Variants in STK4 observed in about 807,000 individuals in gnomAD.
STK4 encodes serine/threonine kinase 4.
STK4 carries 30 observed loss-of-function variants against 64.9 expected under a neutral mutation model. The observed-to-expected ratio is 0.46, with a 90% CI of 0.35 to 0.63. The LOEUF is 0.63. Ranked by LOEUF, STK4 falls within the 20% of genes least tolerant of loss-of-function variation. STK4 has a pLI of 0.01. For missense variants in STK4, 466 were observed against 598.5 expected (o/e 0.78, Z 2.31); for synonymous variants, 177 against 199.0 (o/e 0.89, Z 0.93).
chr20:45,041,319 A>G (rs918357159), intron 10 of STK4, among the ~76,000 whole-genome samples: 11 of 149,792 alleles, frequency 7.3e-5, no homozygotes, highest in East Asian at 3.9e-4. Flanking sequence ...GCATGCATGC[A>G]TGCACGCACA....
At chr20:44,971,782 T>C (rs2067251730) in intron 1 of STK4, among the ~76,000 whole-genome samples, 1 of 151,886 alleles carries the variant, frequency 6.6e-6, no homozygotes, top group East Asian at 1.9e-4. Flanking sequence ...GCCATTCTTA[T>C]GCTTCAGCGT....
At chr20:45,066,143 C>T (rs957125588) in intron 10 of STK4, among the ~76,000 whole-genome samples, 3 of 151,348 alleles carry the variant, frequency 2.0e-5, no homozygotes, top group Admixed American at 6.6e-5. Flanking sequence ...TATATATATA[C>T]ACACATTATA....
chr20:45,028,125 C>T (rs2145392147), intron 10 of STK4, among the ~76,000 whole-genome samples: 1 of 152,200 alleles, frequency 6.6e-6, no homozygotes, highest in Non-Finnish European at 1.5e-5. Flanking sequence ...GATATATGCC[C>T]AGCAGTGGGA....
chr20:45,031,308 G>C (rs2068438345), intron 10 of STK4, among the ~76,000 whole-genome samples: 1 of 152,196 alleles, frequency 6.6e-6, no homozygotes, highest in African/African-American at 2.4e-5. Flanking sequence ...TACAGAGACT[G>C]TGAGGCAAGA....
chr20:45,054,681 T>C (rs1361558619), intron 10 of STK4, among the ~76,000 whole-genome samples: 1 of 151,842 alleles, frequency 6.6e-6, no homozygotes, highest in East Asian at 1.9e-4. Flanking sequence ...CAATGGATTA[T>C]ATAATTCTTC....
intron 6 of STK4, among the ~76,000 whole-genome samples, chr20:44,995,838 ACT>A (rs528538863): frequency 6.3e-4 from 95 of 151,254 alleles, no homozygotes; most frequent in African/African-American, 1.9e-3. Flanking sequence ...GATTTGTGCT[ACT>A]CTCTCTCTCT....
At chr20:45,003,589 A>T (rs2067879697) in intron 9 of STK4, among the ~76,000 whole-genome samples, 1 of 152,132 alleles carries the variant, frequency 6.6e-6, no homozygotes, top group Non-Finnish European at 1.5e-5. Flanking sequence ...TGAAATGTTT[A>T]TCCTTGGAAA....
At chr20:45,064,113 G>GC (rs1568768103) in intron 10 of STK4, among the ~76,000 whole-genome samples, 1 of 152,034 alleles carries the variant, frequency 6.6e-6, no homozygotes, top group Admixed American at 6.6e-5. Flanking sequence ...CGGCCAAGGG[G>GC]GGGGGTCCAG....
At chr20:44,988,567 A>ATG (rs1555808413) in intron 5 of STK4, among the ~76,000 whole-genome samples, 1 of 142,316 alleles carries the variant, frequency 7.0e-6, no homozygotes, top group Non-Finnish European at 1.5e-5. Flanking sequence ...ATATATATAT[A>ATG]TGTATCCATT....
chr20:45,059,159 G>A (rs1024031716), intron 10 of STK4, among the ~76,000 whole-genome samples: 6 of 152,088 alleles, frequency 3.9e-5, no homozygotes, highest in Admixed American at 6.6e-5. Context: ...TTAACCAAGC[G>A]CTTATCACAC....
intron 5 of STK4, among the ~76,000 whole-genome samples, chr20:44,990,137 T>C (rs1387402653): frequency 2.0e-5 from 3 of 152,250 alleles, no homozygotes; most frequent in Admixed American, 2.0e-4. Flanking sequence ...TTGAAAATAC[T>C]GCCATTTTGG....
intron 9 of STK4, among the ~76,000 whole-genome samples, chr20:45,019,138 A>T (rs2068198044): frequency 6.6e-6 from 1 of 152,176 alleles, no homozygotes; most frequent in African/African-American, 2.4e-5. Flanking sequence ...AACTTTAAGC[A>T]CTATTGAATT....
rs543145811 is a variant in STK4 at position 45,026,253 on chromosome 20, G to A, written c.1305+1123G>A. On this transcript the variant is annotated intron_variant, in intron 10 of 10. Coordinates refer to ENST00000372806, the MANE Select transcript of STK4 (RefSeq NM_006282.5). The stretch of plus-strand genomic sequence containing the variant: ...CTAGGCGAAGGAAAATAAGTATTTA[G>A]TGTGTTAAATGGTAGCAACTATTGT... Among the ~76,000 whole-genome samples the A allele has an allele frequency of 2.0e-4, 30 of 150,940 alleles. 1 individual carries two copies. The highest frequency in any genetic ancestry group is 5.9e-5 in the Non-Finnish European group (4 of 67,838).
rs544518418 is a variant in STK4 at position 45,005,402 on chromosome 20, T to C, written c.1147+4049T>C. 1.9e-4 allele frequency among the ~76,000 whole-genome samples: 29 copies of C among 152,072 alleles called. No individual in the cohort carries two copies. In the South Asian group the frequency reaches 5.8e-3, roughly 31 times the overall value. On this transcript the variant is annotated intron_variant, in intron 9 of 10. Coordinates refer to ENST00000372806, the MANE Select transcript of STK4 (RefSeq NM_006282.5). ...GGCTCACGCCTGTAATCCCAGCACTTTGGGAGGCCGAGGCAGGCGGATCAC... is the reference window on the plus strand; with the variant it reads ...GGCTCACGCCTGTAATCCCAGCACTCTGGGAGGCCGAGGCAGGCGGATCAC...
chr20:44,970,610 G>T (rs369648933), intron 1 of STK4: 15 of 152,254 alleles, frequency 9.9e-5, no homozygotes, highest in African/African-American at 3.6e-4. Context: ...TTGAAGGTAG[G>T]AGTTTTTATG....
At chr20:45,017,755 G>C (rs1166354729) in intron 9 of STK4, among the ~76,000 whole-genome samples, 1 of 152,160 alleles carries the variant, frequency 6.6e-6, no homozygotes, top group Non-Finnish European at 1.5e-5. Context: ...TTTTAGATGT[G>C]CTGCCACTAT....
chr20:45,048,670 C>T (rs60661481), intron 10 of STK4, among the ~76,000 whole-genome samples: 4,281 of 152,014 alleles, frequency 0.028, 188 homozygotes, highest in African/African-American at 0.092. Flanking sequence ...TTAGTAGAGA[C>T]GGGGTTTCAC....
intron 10 of STK4, among the ~76,000 whole-genome samples, chr20:45,041,104 C>T (rs2068605994): frequency 6.6e-6 from 1 of 152,156 alleles, no homozygotes; most frequent in Admixed American, 6.5e-5. Flanking sequence ...ATGCCACAAA[C>T]TTAATTGGCC....
chr20:45,042,155 C>T (rs1209341956), intron 10 of STK4, among the ~76,000 whole-genome samples: 2 of 152,118 alleles, frequency 1.3e-5, no homozygotes, highest in Non-Finnish European at 2.9e-5. Flanking sequence ...TTTTCTTATT[C>T]CTGGATCTAT....
Sources: allele counts gnomAD v4.1 joint callset (sites outside exome capture counted in the v4.1 genomes callset), GRCh38; gene constraint gnomAD v4.1.1; transcripts MANE v1.5; gene names NCBI Gene and HGNC (gene_info 2026-07-23, HGNC 2026-07-21).